The following MYADML2 variants were observed in gnomAD, a reference collection of about 807,000 sequenced individuals.
MYADML2 encodes the protein myeloid-associated differentiation marker-like protein 2.
In MYADML2, 17 loss-of-function variants were observed where a neutral mutation model predicts 16.0. The observed-to-expected ratio is 1.06, with a 90% CI of 0.73 to 1.60. The LOEUF is 1.60. MYADML2 is among the 40% of genes most tolerant of loss of function. The probability of loss-of-function intolerance (pLI) is 0.00; values close to 1 mark genes in which losing one functional copy is unlikely to be tolerated. For missense variants in MYADML2, 422 were observed against 437.7 expected (o/e 0.96, Z 0.32); for synonymous variants, 210 against 208.1 (o/e 1.01, Z -0.08).
Position 81,941,844 on chromosome 17 carries a change from C to T in MYADML2, c.-102-1G>A. 2 of 1,179,220 alleles carry T rather than the reference C, an allele frequency of 1.7e-6. No homozygotes were observed. The highest frequency in any genetic ancestry group is 2.3e-6 in the Non-Finnish European group (2 of 857,422). 73.0% of individuals were successfully genotyped at this position (1,179,220 alleles called of 1,614,324 possible). The stretch of plus-strand genomic sequence containing the variant: ...TGCGGTAGTGGCAGGTGCCTGCAGC[C>T]TGCAGAGGCAGTGACGACGGTGACA... On this transcript the variant is annotated splice_acceptor_variant, in intron 2 of 2. Coordinates refer to ENST00000409745, the MANE Select transcript of MYADML2 (RefSeq NM_001145113.3). LOFTEE classifies it low-confidence loss of function (5UTR_SPLICE).
At chr17:81,944,837 A>G (rs994995749) in intron 1 of MYADML2, among the ~76,000 whole-genome samples, 2 of 152,166 alleles carry the variant, frequency 1.3e-5, no homozygotes, top group African/African-American at 4.8e-5. Flanking sequence ...TAAAACCCAA[A>G]AGGACAGGGT....
rs556962280 is a variant in MYADML2, at chr17:81,939,660, G to A, written c.*1158C>T. 6.6e-6 allele frequency: 1 copy of A among 152,416 alleles called. No homozygotes were observed. Among genetic ancestry groups the A allele is most frequent in the South Asian group, 2.1e-4 (1 of 4,836 alleles). 9.4% of individuals were successfully genotyped at this position (152,416 alleles called of 1,614,324 possible). ...AGAGGCAGGGTACGTATAAATGTCA[G>A]CATTTATTTCCTGCTCAAGGACGTC... On this transcript the variant is annotated 3_prime_UTR_variant, in exon 3 of 3. Transcript: ENST00000409745.
chr17:81,941,612 C>G lies in MYADML2; in HGVS notation c.130G>C (p.Gly44Arg). ...CTTFSLVAHR[G>R]GFAGVQGTFC... ...GTGCCCTGGACGCCCGCAAAGCCAC[C>G]CCGGTGGGCCACCAGGCTGAAGGTA... is the stretch of plus-strand genomic sequence containing the variant. The change falls in exon 3 of 3, where the codon GGT becomes CGT. Residue 44 changes from glycine (G) to arginine (R), a missense_variant. Coordinates refer to ENST00000409745, the MANE Select transcript of MYADML2 (RefSeq NM_001145113.3). The G allele has an allele frequency of 1.3e-6, 2 of 1,548,998 alleles. No individual in the cohort carries two copies. Among genetic ancestry groups the G allele is most frequent in the Non-Finnish European group, 1.7e-6 (2 of 1,146,850 alleles).
At chr17:81,946,180 C>A (rs981135874) in intron 1 of MYADML2, among the ~76,000 whole-genome samples, 2 of 151,532 alleles carry the variant, frequency 1.3e-5, no homozygotes, top group Non-Finnish European at 2.9e-5. Context: ...CATGGTGAAA[C>A]CCCATTTCTA....
Sources: allele counts gnomAD v4.1 joint callset (sites outside exome capture counted in the v4.1 genomes callset), GRCh38; gene constraint gnomAD v4.1.1; transcripts MANE v1.5; gene names NCBI Gene and HGNC (gene_info 2026-07-23, HGNC 2026-07-21).